The following TBCE variants were observed in gnomAD, a reference collection of about 807,000 sequenced individuals.
TBCE encodes tubulin folding cofactor E.
In TBCE, 53 loss-of-function variants were observed where a neutral mutation model predicts 77.0. The observed-to-expected ratio is 0.69, with a 90% confidence interval of 0.55 to 0.87. TBCE has a LOEUF of 0.87. TBCE is among the 40% of genes least tolerant of loss of function. The pLI, the probability that TBCE is intolerant of heterozygous loss-of-function variation, is 0.00. For missense variants in TBCE, 624 were observed against 622.4 expected (o/e 1.00, Z -0.03); for synonymous variants, 235 against 241.3 (o/e 0.97, Z 0.24).
chr1:235,421,069 A>G (rs1680372449), intron 5 of TBCE, among the ~76,000 whole-genome samples: 1 of 152,086 alleles, frequency 6.6e-6, no homozygotes, highest in African/African-American at 2.4e-5. Context: ...TTTTTGTCAT[A>G]TATTTCTTTT....
chr1:235,402,784 C>T (rs1265269748), intron 3 of TBCE, among the ~76,000 whole-genome samples: 2 of 151,788 alleles, frequency 1.3e-5, no homozygotes, highest in Non-Finnish European at 2.9e-5. Context: ...ACCAGCACAC[C>T]CAGCTAATTT....
rs1397590767 is a variant in TBCE at position 235,422,528 on chromosome 1, C to A, written c.460+2967C>A. 1.1e-4 allele frequency among the ~76,000 whole-genome samples: 16 copies of A among 149,258 alleles called. No homozygotes were observed. The East Asian group carries it at 3.0e-3, about 28-fold the overall frequency. On this transcript the variant is annotated intron_variant, in intron 5 of 16. Coordinates refer to ENST00000642610, the MANE Select transcript of TBCE (RefSeq NM_003193.5). ...AGGACTCCATCTCAAAAAAAAAAAC[C>A]AAAAAACAAAAAACGGGGGGGCCAG...
In TBCE at chr1:235,437,437, C is replaced by T; in HGVS notation, c.1079C>T (p.Ala360Val). Reference protein sequence around the residue: ...EAETARLLIIASIGQLKTLNK... With the variant: ...EAETARLLIIVSIGQLKTLNK... ...GAGACGGCGCGACTACTCATTATCGCCAGCATTGGCCAGCTGAAGACGCTG... is the reference window on the plus strand; with the variant it reads ...GAGACGGCGCGACTACTCATTATCGTCAGCATTGGCCAGCTGAAGACGCTG... The change falls in exon 12 of 17, where the codon GCC becomes GTC. Residue 360 changes from alanine (A) to valine (V), a missense_variant. Transcript: ENST00000642610. The T allele has an allele frequency of 6.2e-7, 1 of 1,614,130 alleles. No homozygotes were observed. The highest frequency in any genetic ancestry group is 8.5e-7 in the Non-Finnish European group (1 of 1,180,022).
intron 4 of TBCE, among the ~76,000 whole-genome samples, chr1:235,416,550 A>C (rs974003898): frequency 6.6e-6 from 1 of 152,128 alleles, no homozygotes; most frequent in African/African-American, 2.4e-5. Flanking sequence ...CCAAAAAAAA[A>C]AAACCCCAAA....
chr1:235,450,231 T>C lies in TBCE; in HGVS notation c.*1469T>C, dbSNP rs148963786. ...TTATCTTGCTTGACATCGACAAGGA[T>C]CACCGCACCGTTCCTTCAGTTTCCA... On this transcript the variant is annotated 3_prime_UTR_variant, in exon 17 of 17. Coordinates refer to ENST00000642610, the MANE Select transcript of TBCE (RefSeq NM_003193.5). The C allele has an allele frequency of 3.7e-6, 6 of 1,613,976 alleles. No homozygotes were observed. The African/African-American group carries it at 8.0e-5, about 22-fold the overall frequency.
rs778133382 is a variant in TBCE at position 235,441,862 on chromosome 1, T to G, written c.1319T>G (p.Met440Arg). The G allele has an allele frequency of 1.2e-6, 2 of 1,614,114 alleles. No individual in the cohort carries two copies. The highest frequency in any genetic ancestry group is 1.1e-5 in the South Asian group (1 of 91,084). ...DWELKTQQPLMLKNQLLTLKI... is the reference protein window; with the variant it reads ...DWELKTQQPLRLKNQLLTLKI... ...GAACTCAAAACACAGCAACCACTTA[T>G]GCTGAAAAACCAGCTACTAAGTAAG... Residue 440 changes from methionine (M) to arginine (R), a missense_variant, in exon 14 of 17, where the codon ATG (methionine) becomes AGG (arginine). Met to Arg is a moderately conservative substitution (Grantham distance 91). Transcript: ENST00000642610.
At chr1:235,377,755 G>A (rs757576086) in intron 1 of TBCE, among the ~76,000 whole-genome samples, 1 of 151,532 alleles carries the variant, frequency 6.6e-6, no homozygotes, top group African/African-American at 2.4e-5. Context: ...GGGTTCAAGC[G>A]ATTCTCCTGC....
chr1:235,408,117 T>C (rs1679561928), intron 3 of TBCE, among the ~76,000 whole-genome samples: 1 of 152,226 alleles, frequency 6.6e-6, no homozygotes, highest in Non-Finnish European at 1.5e-5. Context: ...TCTGTGGTAA[T>C]GGACATCTTA....
intron 6 of TBCE, among the ~76,000 whole-genome samples, chr1:235,427,957 G>A (rs1185956754): frequency 6.6e-6 from 1 of 151,952 alleles, no homozygotes; most frequent in African/African-American, 2.4e-5. Context: ...TTGAACCCGG[G>A]AGGCAGAGGT....
intron 2 of TBCE, among the ~76,000 whole-genome samples, chr1:235,389,449 T>A (rs1678244864): frequency 6.6e-6 from 1 of 152,152 alleles, no homozygotes; most frequent in Admixed American, 6.6e-5. Context: ...TGCCTCAGCC[T>A]CCCGAGTAGC....
intron 5 of TBCE, among the ~76,000 whole-genome samples, chr1:235,425,935 C>G (rs1258812959): frequency 6.6e-6 from 1 of 152,206 alleles, no homozygotes; most frequent in East Asian, 1.9e-4. Context: ...CCTGCTCTGT[C>G]CCTGAGCACA....
chr1:235,406,602 G>A (rs1363953821), intron 3 of TBCE, among the ~76,000 whole-genome samples: 2 of 151,472 alleles, frequency 1.3e-5, no homozygotes, highest in Non-Finnish European at 2.9e-5. Context: ...CACCATCTCG[G>A]CTCACTGCAA....
intron 1 of TBCE, among the ~76,000 whole-genome samples, chr1:235,367,874 C>T (rs1026739053): frequency 3.3e-5 from 5 of 152,124 alleles, no homozygotes; most frequent in African/African-American, 1.2e-4. Flanking sequence ...AGAGAAATAA[C>T]GTTAAATAGG....
rs889820574 is a variant in TBCE at position 235,452,013 on chromosome 1, C to T, written c.*3251C>T. ...GCCACACTCAATCAGTGGATTCTGT[C>T]GTTCAGTTTTTTTTTTTGAGACGGA... On this transcript the variant is annotated 3_prime_UTR_variant, in exon 17 of 17. Transcript: ENST00000642610. 3.3e-5 allele frequency: 3 copies of T among 89,676 alleles called. No individual in the cohort carries two copies. The highest frequency in any genetic ancestry group is 1.3e-4 in the African/African-American group (2 of 14,920). 5.6% of individuals were successfully genotyped at this position (89,676 alleles called of 1,614,324 possible). A position where few individuals can be genotyped will look rare whatever the true frequency, so the allele number is the denominator to read the frequency against.
intron 3 of TBCE, among the ~76,000 whole-genome samples, chr1:235,403,155 C>T (rs918042035): frequency 6.6e-6 from 1 of 152,116 alleles, no homozygotes; most frequent in African/African-American, 2.4e-5. Context: ...TAGCCAGGCC[C>T]ACAGATTCCT....
At chr1:235,371,037 G>GTTTT (rs1558339723) in intron 1 of TBCE, among the ~76,000 whole-genome samples, 1 of 39,650 alleles carries the variant, frequency 2.5e-5, no homozygotes, top group African/African-American at 7.7e-5. Flanking sequence ...ATCACGCCTG[G>GTTTT]CTTTTTTTTT....
intron 5 of TBCE, among the ~76,000 whole-genome samples, chr1:235,424,328 T>C (rs909098611): frequency 1.3e-5 from 2 of 149,058 alleles, no homozygotes; most frequent in Non-Finnish European, 3.0e-5. Context: ...AGCTCTTTTT[T>C]TTTTTTTTTT....
intron 1 of TBCE, among the ~76,000 whole-genome samples, chr1:235,369,512 A>G (rs1205170115): frequency 1.4e-5 from 2 of 146,952 alleles, no homozygotes; most frequent in African/African-American, 5.1e-5. Flanking sequence ...TCTCAAAAAA[A>G]ACAACAAAAA....
intron 2 of TBCE, among the ~76,000 whole-genome samples, chr1:235,384,548 G>A (rs1458334142): frequency 7.4e-5 from 11 of 148,724 alleles, no homozygotes; most frequent in Admixed American, 5.4e-4. Flanking sequence ...GTCTTGGGAG[G>A]GTGTATGTGT....
Sources: allele counts gnomAD v4.1 joint callset (sites outside exome capture counted in the v4.1 genomes callset), GRCh38; gene constraint gnomAD v4.1.1; transcripts MANE v1.5; gene names NCBI Gene and HGNC (gene_info 2026-07-23, HGNC 2026-07-21).